Variants in PCDHA7 observed in about 807,000 individuals in gnomAD.
The protein encoded by PCDHA7 is protocadherin alpha 7.
In PCDHA7, 37 loss-of-function variants were observed where a neutral mutation model predicts 57.2. The ratio of observed to expected loss-of-function variants is 0.65; its 90% CI spans 0.50 to 0.85. The LOEUF (loss-of-function observed/expected upper bound fraction) is 0.85, where lower values mean the gene tolerates loss of function less well. Among genes scored for constraint, PCDHA7 ranks in the 40% least tolerant of loss-of-function variants. PCDHA7 has a pLI of 0.00. For synonymous variants in PCDHA7, 553 were observed against 558.8 expected (o/e 0.99, Z 0.15); for missense variants, 1,188 against 1,241.8 (o/e 0.96, Z 0.65).
chr5:140,947,315 C>T (rs116397497), intron 1 of PCDHA7, among the ~76,000 whole-genome samples: 3,556 of 151,556 alleles, frequency 0.023, 49 homozygotes, highest in Middle Eastern at 0.034. Flanking sequence ...TGTAAAAAGT[C>T]GGTTGACCAT....
intron 1 of PCDHA7, among the ~76,000 whole-genome samples, chr5:140,957,103 A>G (rs1207553042): frequency 6.6e-6 from 1 of 152,168 alleles, no homozygotes; most frequent in Non-Finnish European, 1.5e-5. Flanking sequence ...ATTGCTATGG[A>G]CATGATTCTG....
chr5:140,983,966 C>A (rs782428444), intron 3 of PCDHA7, among the ~76,000 whole-genome samples: 1 of 152,048 alleles, frequency 6.6e-6, no homozygotes, highest in Non-Finnish European at 1.5e-5. Flanking sequence ...CACATTTGTC[C>A]AAAAAATATA....
chr5:140,968,927 T>C (rs1554231254), intron 1 of PCDHA7: 3 of 1,614,090 alleles, frequency 1.9e-6, no homozygotes, highest in African/African-American at 1.3e-5. Flanking sequence ...TATATTTCTT[T>C]TGACAATCAT....
In PCDHA7 at chr5:140,856,189, C is replaced by A. The variant is rs1399826536; in HGVS notation, c.2355+19451C>A. On this transcript the variant is annotated intron_variant, in intron 1 of 3. Transcript: ENST00000525929. ...GACACGGCACCTTCGTGGGCCGCAT[C>A]GCGCAGGACCTGGGGCTGGAGCTGG... 11 of 1,598,094 alleles carry A rather than the reference C, an allele frequency of 6.9e-6. 1 individual carries two copies. In the African/African-American group the frequency reaches 1.5e-4, roughly 22 times the overall value.
chr5:140,954,271 A>G (rs1284942355), intron 1 of PCDHA7, among the ~76,000 whole-genome samples: 2 of 152,140 alleles, frequency 1.3e-5, no homozygotes, highest in South Asian at 2.1e-4. Context: ...TTATAATAGG[A>G]TGATTTATAT....
chr5:140,951,707 G>A (rs1162162711), intron 1 of PCDHA7, among the ~76,000 whole-genome samples: 6 of 152,076 alleles, frequency 3.9e-5, no homozygotes, highest in African/African-American at 1.4e-4. Flanking sequence ...TTTGGGCGGG[G>A]ACACAGATCC....
intron 1 of PCDHA7, chr5:140,969,627 G>A: frequency 1.5e-6 from 1 of 664,866 alleles, no homozygotes; most frequent in Non-Finnish European, 2.5e-6. Flanking sequence ...AGAGAAACAG[G>A]ACAGGCCTTG....
intron 1 of PCDHA7, 51 bp downstream of exon 1, chr5:140,836,789 T>C (rs2150269874): frequency 4.9e-6 from 7 of 1,427,046 alleles, no homozygotes; most frequent in East Asian, 2.3e-5. Context: ...ATTAGTTCAA[T>C]TGGTCTCCTT....
rs1554150747 is a variant in PCDHA7, at chr5:140,857,851, A to G, written c.2355+21113A>G. 5 of 1,597,646 alleles carry G rather than the reference A, an allele frequency of 3.1e-6. 1 individual carries two copies. Among genetic ancestry groups the G allele is most frequent in the Non-Finnish European group, 4.3e-6 (5 of 1,167,500 alleles). ...TGCGCGCAGTGGACGCTGACTCTGG[A>G]TACAACGCGTGGCTGTCGTATGAAT... On this transcript the variant is annotated intron_variant, in intron 1 of 3. Transcript: ENST00000525929.
intron 1 of PCDHA7, among the ~76,000 whole-genome samples, chr5:140,977,307 G>A (rs1023836424): frequency 6.6e-6 from 1 of 152,304 alleles, no homozygotes; most frequent in Non-Finnish European, 1.5e-5. Context: ...ACAAGCTAAC[G>A]ATAGTGCTCC....
chr5:140,995,893 A>T (rs1038677586), intron 3 of PCDHA7, among the ~76,000 whole-genome samples: 1 of 152,182 alleles, frequency 6.6e-6, no homozygotes, highest in Non-Finnish European at 1.5e-5. Flanking sequence ...AGATTTATCA[A>T]TGTATAAAAG....
chr5:140,915,626 GTCTCTCTCTCTC>G (rs57920489), intron 1 of PCDHA7, among the ~76,000 whole-genome samples: 39 of 146,434 alleles, frequency 2.7e-4, no homozygotes, highest in African/African-American at 9.6e-4. Context: ...GTCTCTTTCT[GTCTCTCTCTCTC>G]TCTCTCTCTC....
chr5:140,860,972 C>G (rs539931081), intron 1 of PCDHA7: 1 of 152,196 alleles, frequency 6.6e-6, no homozygotes, highest in Non-Finnish European at 1.5e-5. Context: ...CTCCTGACCT[C>G]GTGATCCACC....
intron 1 of PCDHA7, among the ~76,000 whole-genome samples, chr5:140,952,230 A>C (rs1177331328): frequency 6.6e-6 from 1 of 151,960 alleles, no homozygotes; most frequent in African/African-American, 2.4e-5. Flanking sequence ...ACAGTGTGCA[A>C]GCTGCTTAGA....
At chr5:140,841,153 T>C in intron 1 of PCDHA7, 1 of 819,712 alleles carries the variant, frequency 1.2e-6, no homozygotes, top group East Asian at 2.7e-5. Flanking sequence ...TGTCGCTGTC[T>C]ACCAAGAAGT....
chr5:140,926,353 C>T (rs1402316154), intron 1 of PCDHA7: 1 of 152,272 alleles, frequency 6.6e-6, no homozygotes, highest in Non-Finnish European at 1.5e-5. Flanking sequence ...ACGCGCGGCT[C>T]CCAAAGGGCG....
intron 1 of PCDHA7, chr5:140,843,436 C>A (rs2150359840): frequency 1.9e-6 from 3 of 1,596,080 alleles, no homozygotes; most frequent in East Asian, 2.2e-5. Flanking sequence ...TCGCCATCTG[C>A]GCGGTATCCA....
At chr5:140,920,767 C>T (rs1484117906) in intron 1 of PCDHA7, among the ~76,000 whole-genome samples, 1 of 151,632 alleles carries the variant, frequency 6.6e-6, no homozygotes. Context: ...TTGCTTACAC[C>T]TGGGAGGTGG....
In PCDHA7 at chr5:140,875,833, G is replaced by A. The variant is rs782436615; in HGVS notation, c.2355+39095G>A. 1 of 1,614,220 alleles carries A rather than the reference G, an allele frequency of 6.2e-7. No homozygotes were observed. Among genetic ancestry groups the A allele is most frequent in the Non-Finnish European group, 8.5e-7 (1 of 1,180,044 alleles). On this transcript the variant is annotated intron_variant, in intron 1 of 3. Coordinates refer to ENST00000525929, the MANE Select transcript of PCDHA7 (RefSeq NM_018910.3). ...GCCGCTGCAGGTTTTCCATGTGGAC[G>A]TGGAGGTGAAGGACATTAACGACAA...
Sources: gnomAD v4.1 joint callset for allele counts (sites outside exome capture counted in the v4.1 genomes callset) on GRCh38, gnomAD v4.1.1 for gene constraint, MANE v1.5 for transcripts, NCBI Gene and HGNC (gene_info 2026-07-23, HGNC 2026-07-21) for gene names.